The following BCAR1 variants were observed in gnomAD, a reference collection of about 807,000 sequenced individuals.
BCAR1 encodes BCAR1 scaffold protein, Cas family member, also known as breast cancer anti-estrogen resistance protein 1.
A neutral mutation model predicts 67.6 loss-of-function variants in BCAR1; 30 were observed. That is an observed-to-expected ratio of 0.44 (90% CI 0.33 to 0.60). The LOEUF (loss-of-function observed/expected upper bound fraction) is 0.60, where lower values mean the gene tolerates loss of function less well. Ranked by LOEUF, BCAR1 falls within the 20% of genes least tolerant of loss-of-function variation. The pLI, the probability that BCAR1 is intolerant of heterozygous loss-of-function variation, is 0.02. For missense variants in BCAR1, 1,313 were observed against 1,222.3 expected (o/e 1.07, Z -1.11); for synonymous variants, 626 against 556.7 (o/e 1.12, Z -1.75).
intron 2 of BCAR1, among the ~76,000 whole-genome samples, chr16:75,240,366 C>T (rs1238047411): frequency 3.9e-5 from 6 of 152,144 alleles, no homozygotes; most frequent in East Asian, 1.9e-4. Context: ...GTGTTACCGC[C>T]GTGCCACCGT....
rs764655274 is a variant in BCAR1 at position 75,231,527 on chromosome 16, G to T, written c.2101-1504C>A. The stretch of plus-strand genomic sequence containing the variant: ...TCACCGATACAAAAATGGGGCAACA[G>T]ATGTTCTCATCAGTAAGTCTTCATG... On this transcript the variant is annotated intron_variant, in intron 6 of 6. Coordinates refer to ENST00000162330, the MANE Select transcript of BCAR1 (RefSeq NM_014567.5). Among the ~76,000 whole-genome samples, 3 of 152,246 alleles carry T rather than the reference G, an allele frequency of 2.0e-5. No individual in the cohort carries two copies. The East Asian group carries it at 5.8e-4, about 29-fold the overall frequency.
At chr16:75,232,573 G>A (rs2076937831) in intron 6 of BCAR1, among the ~76,000 whole-genome samples, 1 of 152,178 alleles carries the variant, frequency 6.6e-6, no homozygotes, top group African/African-American at 2.4e-5. Context: ...TAGGATTACA[G>A]GTGTGACATT....
intron 1 of BCAR1, chr16:75,248,840 G>C (rs2077597503): frequency 6.6e-6 from 1 of 152,598 alleles, no homozygotes; most frequent in African/African-American, 2.4e-5. Context: ...AGCAGCAGGA[G>C]GGAATAAAAA....
Position 75,247,920 on chromosome 16 carries a change from G to C in BCAR1, c.12+3551C>G, listed in dbSNP as rs1597249194. 7 of 746,724 alleles carry C rather than the reference G, an allele frequency of 9.4e-6. No homozygotes were observed. The East Asian group carries it at 1.6e-4, about 17-fold the overall frequency. 46.3% of individuals were successfully genotyped at this position (746,724 alleles called of 1,614,324 possible). On this transcript the variant is annotated intron_variant, in intron 1 of 6. Transcript: ENST00000162330. ...GGGTTGGGGGCAGACAAGGAAATGG[G>C]TAATAGTGCCACACTTGTCACTAAG...
chr16:75,230,075 C>A, intron 6 of BCAR1, 52 bp from the exon 7 acceptor site: 5 of 1,511,818 alleles, frequency 3.3e-6, no homozygotes, highest in Non-Finnish European at 4.4e-6. Context: ...TGAGTTGGAA[C>A]TACAGGCCGA....
chr16:75,267,702 G>A (rs548672236), intron 1 of BCAR1, among the ~76,000 whole-genome samples: 1 of 152,076 alleles, frequency 6.6e-6, no homozygotes, highest in African/African-American at 2.4e-5. Context: ...ATATCTAGGT[G>A]CCCCAGCCAG....
chr16:75,241,439 C>A lies in BCAR1; in HGVS notation c.633+1031G>T, dbSNP rs182442580. ...TGGCCTGAGGCTCCCCTACAGGACA[C>A]TGCTCCCTGCCGCCTCCCCAGGGGA... On this transcript the variant is annotated intron_variant, in intron 2 of 6. Coordinates refer to ENST00000162330, the MANE Select transcript of BCAR1 (RefSeq NM_014567.5). Among the ~76,000 whole-genome samples, 148 of 152,218 alleles carry A rather than the reference C, an allele frequency of 9.7e-4. 1 individual carries two copies. The highest frequency in any genetic ancestry group is 1.8e-3 in the Non-Finnish European group (123 of 67,982).
At chr16:75,251,822 C>T, upstream of BCAR1, 1 of 355,660 alleles carries the variant, frequency 2.8e-6, no homozygotes, top group Non-Finnish European at 4.0e-6. Context: ...GCTCCAGGCC[C>T]CTGCCCGAGG....
chr16:75,255,752 G>T (rs2077760223), upstream of BCAR1, among the ~76,000 whole-genome samples: 1 of 151,940 alleles, frequency 6.6e-6, no homozygotes, highest in African/African-American at 2.4e-5. Flanking sequence ...AGCACTTTGG[G>T]AGGCCAAGGC....
At chr16:75,264,337 C>A in intron 1 of BCAR1, 1 of 1,505,886 alleles carries the variant, frequency 6.6e-7, no homozygotes, top group South Asian at 1.3e-5. Context: ...CTAATCACTA[C>A]TGCCCTGGGA....
In BCAR1 at chr16:75,235,903, G is replaced by C; in HGVS notation, c.996C>G (p.Ala332=). Residue 332 remains alanine, a synonymous_variant, in exon 5 of 7, where the codon GCC becomes GCG. Transcript: ENST00000162330. ...LREETYDVPP[A]FAKAKPFDPA... is the part of the protein sequence containing the mutation. ...GGTCAAAGGGCTTGGCCTTGGCGAA[G>C]GCGGGGGGCACATCGTAGGTCTCCT... 1 of 1,564,540 alleles carries C rather than the reference G, an allele frequency of 6.4e-7. No homozygotes were observed. The highest frequency in any genetic ancestry group is 1.2e-5 in the South Asian group (1 of 85,894).
intron 1 of BCAR1, chr16:75,264,436 G>A (rs544477646): frequency 3.9e-6 from 6 of 1,520,544 alleles, no homozygotes; most frequent in Admixed American, 4.1e-5. Flanking sequence ...CTGAGGCCCT[G>A]GGCCAGAGAA....
chr16:75,236,668 G>C, intron 4 of BCAR1: 2 of 951,444 alleles, frequency 2.1e-6, no homozygotes, highest in Non-Finnish European at 2.9e-6. Context: ...TCATGGAGAA[G>C]GCCTCGCAAC....
chr16:75,234,237 C>A (rs2077017031), intron 5 of BCAR1, among the ~76,000 whole-genome samples: 1 of 151,946 alleles, frequency 6.6e-6, no homozygotes, highest in African/African-American at 2.4e-5. Flanking sequence ...CACAGCCCCC[C>A]CAGGCTGGCA....
At chr16:75,239,228 G>A (rs945782608) in intron 2 of BCAR1, 15 of 618,746 alleles carry the variant, frequency 2.4e-5, no homozygotes, top group East Asian at 1.4e-4. Context: ...CTAGCAGGCC[G>A]TGGAGGTCCC....
upstream of BCAR1, among the ~76,000 whole-genome samples, chr16:75,256,496 T>G: frequency 7.0e-6 from 1 of 141,962 alleles, no homozygotes; most frequent in Non-Finnish European, 1.5e-5. Flanking sequence ...AGCTGCCAGG[T>G]AAGGGACACA....
rs1237442993 is a variant in BCAR1 at position 75,242,679 on chromosome 16, C to T, written c.424G>A (p.Ala142Thr). The T allele has an allele frequency of 6.5e-7, 1 of 1,535,808 alleles. No individual in the cohort carries two copies. Among genetic ancestry groups the T allele is most frequent in the South Asian group, 1.3e-5 (1 of 77,538 alleles). ...TTCGAGAAGGTGGATGTCTGCTTGG[C>T]TGGGGGAGACTGGAACTGAGGGCTG... ...GPSPQFQSPP[A>T]KQTSTFSKQT... The change falls in exon 2 of 7, where the codon GCC (alanine) becomes ACC (threonine). Residue 142 changes from alanine to threonine, a missense_variant. Physicochemically the swap from Ala to Thr is moderately conservative, Grantham distance 58. Transcript: ENST00000162330.
intron 5 of BCAR1, among the ~76,000 whole-genome samples, chr16:75,234,199 A>ACACC (rs2077014160): frequency 8.4e-6 from 1 of 119,200 alleles, no homozygotes; most frequent in Non-Finnish European, 1.7e-5. Flanking sequence ...ACACACACAC[A>ACACC]CACTCCCCCA....
At chr16:75,238,685 C>T (rs1372637977) in intron 2 of BCAR1, 1 of 985,734 alleles carries the variant, frequency 1.0e-6, no homozygotes, top group Non-Finnish European at 1.2e-6. Context: ...GGTGTCCCCG[C>T]CCCCTTCCAG....
Sources: allele counts gnomAD v4.1 joint callset (sites outside exome capture counted in the v4.1 genomes callset), GRCh38; gene constraint gnomAD v4.1.1; transcripts MANE v1.5; gene names NCBI Gene and HGNC (gene_info 2026-07-23, HGNC 2026-07-21).